Variants in DDX43 observed in about 807,000 individuals in gnomAD.
The protein encoded by DDX43 is probable ATP-dependent RNA helicase DDX43.
A neutral mutation model predicts 84.9 loss-of-function variants in DDX43; 50 were observed. That is an observed-to-expected ratio of 0.59 (90% CI 0.47 to 0.75). The LOEUF is 0.75. Ranked by LOEUF, DDX43 falls within the 30% of genes least tolerant of loss-of-function variation. The pLI, the probability that DDX43 is intolerant of heterozygous loss-of-function variation, is 0.00. For synonymous variants in DDX43, 291 were observed against 266.3 expected (o/e 1.09, Z -0.90); for missense variants, 689 against 798.6 (o/e 0.86, Z 1.65).
At chr6:73,410,339 G>A (rs528090179) in intron 10 of DDX43, among the ~76,000 whole-genome samples, 1 of 152,014 alleles carries the variant, frequency 6.6e-6, no homozygotes, top group South Asian at 2.1e-4. Context: ...GCTAATTATT[G>A]TATTTTTACC....
chr6:73,414,224 TA>T (rs910906476), intron 13 of DDX43, 145 bp downstream of exon 13: 34 of 610,872 alleles, frequency 5.6e-5, no homozygotes, highest in Non-Finnish European at 8.1e-5. Context: ...ATTAGAGCTC[TA>T]AACATTAATC....
intron 11 of DDX43, among the ~76,000 whole-genome samples, chr6:73,412,801 G>A (rs1769829216): frequency 6.6e-6 from 1 of 151,996 alleles, no homozygotes; most frequent in African/African-American, 2.4e-5. Flanking sequence ...GGTGATCTCA[G>A]CTCACTGCAA....
chr6:73,415,247 G>A (rs1769879761), intron 14 of DDX43, among the ~76,000 whole-genome samples: 1 of 152,082 alleles, frequency 6.6e-6, no homozygotes, highest in South Asian at 2.1e-4. Flanking sequence ...GCAGTAAGCC[G>A]AGATTGCGCC....
In DDX43 at chr6:73,408,089, T is replaced by C. The variant is rs1228082184; in HGVS notation, c.1167T>C (p.Asn389=). 1.2e-6 allele frequency: 2 copies of C among 1,613,782 alleles called. No homozygotes were observed. The highest frequency in any genetic ancestry group is 1.7e-5 in the Admixed American group (1 of 59,940). The change falls in exon 9 of 17, where the codon AAT becomes AAC. Residue 389 remains asparagine, a synonymous_variant. Transcript: ENST00000370336. The part of the protein sequence containing the change: ...LQMSNFVNLK[N]ITYLVLDEAD... ...TGAGTAACTTCGTCAATCTGAAGAA[T>C]ATAACCTACTTGGTAATCATGGAAA...
intron 11 of DDX43, among the ~76,000 whole-genome samples, chr6:73,412,707 G>A (rs941430508): frequency 1.7e-5 from 2 of 118,204 alleles, no homozygotes; most frequent in African/African-American, 3.1e-5. Context: ...GCGTGCGCAC[G>A]CATGTGCAAG....
At position 73,409,336 on chromosome 6, in the gene DDX43, C is replaced by T. The variant is rs1769742683; in HGVS notation, c.1268C>T (p.Thr423Ile). 4 of 1,612,708 alleles carry T rather than the reference C, an allele frequency of 2.5e-6. No homozygotes were observed. The highest frequency in any genetic ancestry group is 2.5e-6 in the Non-Finnish European group (3 of 1,178,754). The change falls in exon 10 of 17, where the codon ACA becomes ATA. Residue 423 changes from threonine to isoleucine, a missense_variant. By Grantham distance (89) the Thr-to-Ile change is moderately conservative. Around this residue, in one of 2 missense-constraint regions of DDX43, gnomAD observed 552 missense variants for 692.7 expected, o/e 0.80. Transcript: ENST00000370336. ...ILLDVRPDRQ[T>I]VMTSATWPHS... ...TTAGATGTGCGCCCAGATAGGCAGA[C>T]AGTTATGACCAGGTACGTATATGCT...
At chr6:73,413,920 G>A (rs1769852549) in intron 12 of DDX43, 50 bp from the exon 13 acceptor site, 1 of 1,526,914 alleles carries the variant, frequency 6.5e-7, no homozygotes, top group South Asian at 1.1e-5. Flanking sequence ...AGTAAAACTG[G>A]TGGCATTAGA....
At chr6:73,412,675 G>A (rs763144902) in intron 11 of DDX43, among the ~76,000 whole-genome samples, 4 of 110,274 alleles carry the variant, frequency 3.6e-5, no homozygotes, top group African/African-American at 6.4e-5. Context: ...GTGTGCGCGC[G>A]CGCGTGTGTG....
Position 73,395,136 on chromosome 6 carries a change from C to T in DDX43, c.231C>T (p.His77=), listed in dbSNP as rs1359162963. The change falls in exon 1 of 17, where the codon CAC becomes CAT. Residue 77 remains histidine, a synonymous_variant. Coordinates refer to ENST00000370336, the MANE Select transcript of DDX43 (RefSeq NM_018665.3). The stretch of plus-strand genomic sequence containing the variant: ...CGCTGTGTTTTGCTTTGAAGAGCCA[C>T]TTTGTTGGCGCGGTAATCGGTGAGA... ...ELPLCFALKS[H]FVGAVIGRGG... is the part of the protein sequence containing the mutation. 4 of 1,613,462 alleles carry T rather than the reference C, an allele frequency of 2.5e-6. No individual in the cohort carries two copies. In the East Asian group the frequency reaches 8.9e-5, roughly 36 times the overall value.
intron 6 of DDX43, among the ~76,000 whole-genome samples, chr6:73,406,093 G>A (rs1172584859): frequency 1.3e-5 from 2 of 150,210 alleles, no homozygotes; most frequent in South Asian, 2.1e-4. Context: ...GTGCAATCTC[G>A]GCTCACCACA....
intron 1 of DDX43, among the ~76,000 whole-genome samples, chr6:73,396,642 T>C (rs1769479857): frequency 6.6e-6 from 1 of 151,998 alleles, no homozygotes; most frequent in African/African-American, 2.4e-5. Flanking sequence ...TAAACGTATA[T>C]CACAATACTA....
chr6:73,406,358 T>C lies in DDX43; in HGVS notation c.808-6T>C, dbSNP rs1257997083. Reference sequence around the variant, plus strand: ...TTTTGTGTTAATGTTTATCATTCCGTTTCAGTCACAGGCATGGCCCATTGT... The same window carrying C: ...TTTTGTGTTAATGTTTATCATTCCGCTTCAGTCACAGGCATGGCCCATTGT... On this transcript the variant is annotated splice_region_variant and splice_polypyrimidine_tract_variant and intron_variant, in intron 6 of 16. Transcript: ENST00000370336. 6.3e-7 allele frequency: 1 copy of C among 1,587,514 alleles called. No homozygotes were observed. Among genetic ancestry groups the C allele is most frequent in the Admixed American group, 1.7e-5 (1 of 59,132 alleles).
Position 73,416,401 on chromosome 6 carries a change from T to C in DDX43, c.*25+150T>C, listed in dbSNP as rs961995328. 5 of 512,654 alleles carry C rather than the reference T, an allele frequency of 9.8e-6. No homozygotes were observed. In the South Asian group the frequency reaches 1.3e-4, roughly 13 times the overall value. 31.8% of individuals were successfully genotyped at this position (512,654 alleles called of 1,614,324 possible). ...ATCTATTACTTAATCCTTCTGGGTA[T>C]ACATGGAAAAGAATGAAAGCCAGGT... is the stretch of plus-strand genomic sequence containing the variant. On this transcript the variant is annotated intron_variant, in intron 16 of 16. Coordinates refer to ENST00000370336, the MANE Select transcript of DDX43 (RefSeq NM_018665.3).
At chr6:73,398,574 A>G (rs1769514763) in intron 2 of DDX43, among the ~76,000 whole-genome samples, 1 of 152,182 alleles carries the variant, frequency 6.6e-6, no homozygotes, top group Non-Finnish European at 1.5e-5. Context: ...CGTTAGAGAT[A>G]ATCTGCATAA....
intron 9 of DDX43, 135 bp downstream of exon 9, chr6:73,408,236 A>T (rs1769718786): frequency 1.4e-6 from 1 of 735,556 alleles, no homozygotes; most frequent in South Asian, 1.8e-5. Context: ...GGAGTTCGAG[A>T]CCAACCTGAC....
Position 73,405,924 on chromosome 6 carries a change from G to C in DDX43, c.807+89G>C, listed in dbSNP as rs1035094264. The C allele has an allele frequency of 8.3e-6, 10 of 1,209,648 alleles. No individual in the cohort carries two copies. The African/African-American group carries it at 1.5e-4, about 18-fold the overall frequency. 74.9% of individuals were successfully genotyped at this position (1,209,648 alleles called of 1,614,324 possible). The stretch of plus-strand genomic sequence containing the variant: ...TGTTAGAAGACTCCAGGGAGCAACT[G>C]TCTTAGCATTCCACCAGCACCTTCT... On this transcript the variant is annotated intron_variant, in intron 6 of 16. Transcript: ENST00000370336.
At chr6:73,416,854 C>T (rs940104660) in intron 16 of DDX43, among the ~76,000 whole-genome samples, 3 of 152,144 alleles carry the variant, frequency 2.0e-5, no homozygotes, top group African/African-American at 7.2e-5. Flanking sequence ...ACCTGGCCAA[C>T]GTGGCAAAAC....
At position 73,406,171 on chromosome 6, in the gene DDX43, G is replaced by A. The variant is rs552069959; in HGVS notation, c.808-193G>A. ...CCCTTGTAGCTGGGATTACAGACAT[G>A]TGCCACCACGCCCAGCTAATTTTTG... is the stretch of plus-strand genomic sequence containing the variant. On this transcript the variant is annotated intron_variant, in intron 6 of 16. Transcript: ENST00000370336. 4.0e-5 allele frequency among the ~76,000 whole-genome samples: 6 copies of A among 150,804 alleles called. No homozygotes were observed. The East Asian group carries it at 1.2e-3, about 30-fold the overall frequency.
intron 4 of DDX43, among the ~76,000 whole-genome samples, chr6:73,402,959 C>T (rs1769605529): frequency 6.6e-6 from 1 of 152,132 alleles, no homozygotes; most frequent in Admixed American, 6.6e-5. Context: ...AAGCACTAGC[C>T]TTGGCTCTCG....
Sources: gnomAD v4.1 joint callset for allele counts (sites outside exome capture counted in the v4.1 genomes callset) on GRCh38, gnomAD v4.1.1 for gene constraint, gnomAD v4.1.1 regional missense constraint, MANE v1.5 for transcripts, NCBI Gene and HGNC (gene_info 2026-07-23, HGNC 2026-07-21) for gene names.